Variants in PARN observed in about 807,000 individuals in gnomAD.
PARN encodes poly(A)-specific ribonuclease PARN.
PARN carries 71 observed loss-of-function variants against 102.8 expected under a neutral mutation model. The observed-to-expected ratio is 0.69, with a 90% CI of 0.57 to 0.84. PARN has a LOEUF of 0.84. Among genes scored for constraint, PARN ranks in the 40% least tolerant of loss-of-function variants. PARN has a pLI of 0.00. For synonymous variants in PARN, 261 were observed against 252.9 expected, an observed-to-expected ratio of 1.03 and a Z score of -0.30; for missense variants, 782 against 760.9, an observed-to-expected ratio of 1.03 and a Z score of -0.33.
chr16:14,630,227 C>T lies in PARN; in HGVS notation c.-102G>A. The T allele has an allele frequency of 9.4e-7, 1 of 1,058,722 alleles. No individual in the cohort carries two copies. Among genetic ancestry groups the T allele is most frequent in the Non-Finnish European group, 1.4e-6 (1 of 726,672 alleles). 65.6% of individuals were successfully genotyped at this position (1,058,722 alleles called of 1,614,324 possible). Reference sequence around the variant, plus strand: ...CGACTGCGGCAGTAGCTGAGGCAGCCGCAGCGGTGACGCCGGCCGCGACTT... The same window carrying T: ...CGACTGCGGCAGTAGCTGAGGCAGCTGCAGCGGTGACGCCGGCCGCGACTT... On this transcript the variant is annotated 5_prime_UTR_variant, in exon 1 of 24. Coordinates refer to ENST00000437198, the MANE Select transcript of PARN (RefSeq NM_002582.4).
intron 22 of PARN, among the ~76,000 whole-genome samples, chr16:14,480,703 G>C (rs1291719177): frequency 6.6e-6 from 1 of 152,186 alleles, no homozygotes; most frequent in African/African-American, 2.4e-5. Context: ...CACTTTGGGA[G>C]GCCGAGGCAG....
chr16:14,627,086 A>C lies in PARN; in HGVS notation c.327+20T>G. Reference sequence around the variant, plus strand: ...CTCATCAGCAATTCAGAAAAGAAAAATCTCAATTATGCTACTTACCTGACA... The same window carrying C: ...CTCATCAGCAATTCAGAAAAGAAAACTCTCAATTATGCTACTTACCTGACA... On this transcript the variant is annotated intron_variant, in intron 5 of 23. Coordinates refer to ENST00000437198, the MANE Select transcript of PARN (RefSeq NM_002582.4). 1 of 1,433,880 alleles carries C rather than the reference A, an allele frequency of 7.0e-7. No homozygotes were observed. Among genetic ancestry groups the C allele is most frequent in the Non-Finnish European group, 9.8e-7 (1 of 1,023,698 alleles). The allele number at this position is 1,433,880 out of a possible 1,614,324, so 88.8% of individuals were successfully genotyped here. A position where few individuals can be genotyped will look rare whatever the true frequency, so the allele number is the denominator to read the frequency against.
intron 21 of PARN, among the ~76,000 whole-genome samples, chr16:14,535,723 A>T (rs1475483377): frequency 6.6e-6 from 1 of 152,218 alleles, no homozygotes; most frequent in Non-Finnish European, 1.5e-5. Flanking sequence ...TTTATTAAGA[A>T]TATTGTTATA....
At chr16:14,613,344 C>T (rs951578501) in intron 6 of PARN, among the ~76,000 whole-genome samples, 3 of 149,922 alleles carry the variant, frequency 2.0e-5, no homozygotes, top group Admixed American at 6.6e-5. Context: ...CATGGGAGGC[C>T]GGGCGCCTGG....
chr16:14,547,246 G>A (rs1476965517), intron 21 of PARN, among the ~76,000 whole-genome samples: 2 of 152,124 alleles, frequency 1.3e-5, no homozygotes, highest in Non-Finnish European at 2.9e-5. Context: ...AATGCTAAAT[G>A]CACAGCTTGT....
Position 14,609,088 on chromosome 16 carries a change from T to C in PARN, c.590A>G (p.Asn197Ser), listed in dbSNP as rs768538052. The change falls in exon 8 of 24, where the codon AAC (asparagine) becomes AGC (serine). Residue 197 changes from asparagine (N) to serine (S), a missense_variant. Coordinates refer to ENST00000437198, the MANE Select transcript of PARN (RefSeq NM_002582.4). ...ACATGGCTCTAAATCCAAGTTCTTG[T>C]TTTCTTCACTTTGTAATAAATCCTC... is the stretch of plus-strand genomic sequence containing the variant. ...KIEDLLQSEE[N>S]KNLDLEPCTG... 6.4e-7 allele frequency: 1 copy of C among 1,569,460 alleles called. No individual in the cohort carries two copies. Among genetic ancestry groups the C allele is most frequent in the Non-Finnish European group, 8.7e-7 (1 of 1,146,034 alleles).
intron 10 of PARN, among the ~76,000 whole-genome samples, chr16:14,605,312 CA>C (rs1437660392): frequency 6.6e-6 from 1 of 152,192 alleles, no homozygotes; most frequent in Non-Finnish European, 1.5e-5. Context: ...TGAGCTAATG[CA>C]TTACAAACCA....
intron 21 of PARN, among the ~76,000 whole-genome samples, chr16:14,522,557 C>T (rs1416181037): frequency 6.6e-6 from 1 of 152,068 alleles, no homozygotes; most frequent in Non-Finnish European, 1.5e-5. Flanking sequence ...AATGTAAAGC[C>T]AGGGCTTAAG....
intron 21 of PARN, among the ~76,000 whole-genome samples, chr16:14,517,384 G>A (rs1296871873): frequency 1.3e-5 from 2 of 152,192 alleles, no homozygotes; most frequent in Admixed American, 6.5e-5. Flanking sequence ...ATGGGGAGAG[G>A]CTCCCACTGT....
In PARN at chr16:14,468,646, C is replaced by T. The variant is rs568363840; in HGVS notation, c.1670+13992G>A. Among the ~76,000 whole-genome samples, 16 of 152,316 alleles carry T rather than the reference C, an allele frequency of 1.1e-4. No homozygotes were observed. In the South Asian group the frequency reaches 3.1e-3, roughly 30 times the overall value. Reference sequence around the variant, plus strand: ...ACCTGTGGATCACTGAGAACCACCTCAACTGCCCTACTCTATTGGAAATGT... The same window carrying T: ...ACCTGTGGATCACTGAGAACCACCTTAACTGCCCTACTCTATTGGAAATGT... On this transcript the variant is annotated intron_variant, in intron 22 of 23. Coordinates refer to ENST00000437198, the MANE Select transcript of PARN (RefSeq NM_002582.4).
chr16:14,515,808 C>T (rs868568389), intron 21 of PARN, among the ~76,000 whole-genome samples: 2 of 151,816 alleles, frequency 1.3e-5, no homozygotes, highest in East Asian at 1.9e-4. Context: ...GGCATACTGG[C>T]GCACATCTGT....
At chr16:14,578,979 G>C (rs1016631267) in intron 18 of PARN, among the ~76,000 whole-genome samples, 7 of 151,986 alleles carry the variant, frequency 4.6e-5, no homozygotes, top group Admixed American at 1.3e-4. Context: ...GAAAGTCTCA[G>C]CTAGCTTTTT....
At chr16:14,527,485 T>C (rs895201677) in intron 21 of PARN, among the ~76,000 whole-genome samples, 2 of 152,222 alleles carry the variant, frequency 1.3e-5, no homozygotes, top group African/African-American at 2.4e-5. Context: ...TTTTTTCTTT[T>C]TGACGTCATG....
chr16:14,574,692 A>G (rs571295148), intron 18 of PARN, among the ~76,000 whole-genome samples: 1 of 152,278 alleles, frequency 6.6e-6, no homozygotes, highest in African/African-American at 2.4e-5. Context: ...CAGCCTGGGC[A>G]AGAGAGTGAG....
chr16:14,500,425 T>G (rs1468339806), intron 21 of PARN, among the ~76,000 whole-genome samples: 1 of 152,130 alleles, frequency 6.6e-6, no homozygotes, highest in East Asian at 1.9e-4. Context: ...AGACAGGGTC[T>G]CACTATGTTA....
intron 14 of PARN, among the ~76,000 whole-genome samples, chr16:14,585,153 G>C (rs1401441682): frequency 2.0e-5 from 3 of 152,124 alleles, no homozygotes; most frequent in Non-Finnish European, 2.9e-5. Flanking sequence ...GGTTTTACGT[G>C]GTTCAAATAC....
chr16:14,457,513 C>A (rs1961730120), intron 22 of PARN, among the ~76,000 whole-genome samples: 1 of 151,934 alleles, frequency 6.6e-6, no homozygotes, highest in Non-Finnish European at 1.5e-5. Flanking sequence ...GAATTTGAGT[C>A]TTGGGGCCAG....
intron 5 of PARN, among the ~76,000 whole-genome samples, chr16:14,619,068 T>A (rs1972116733): frequency 6.6e-6 from 1 of 151,638 alleles, no homozygotes; most frequent in South Asian, 2.1e-4. Flanking sequence ...TGGTAGCACA[T>A]GCCTGCAGTC....
In PARN at chr16:14,516,391, C is replaced by T. The variant is rs145063881; in HGVS notation, c.1481-33564G>A. 3.4e-3 allele frequency among the ~76,000 whole-genome samples: 514 copies of T among 152,120 alleles called. 2 individuals carry two copies. The highest frequency in any genetic ancestry group is 6.8e-3 in the Middle Eastern group (2 of 294). ...CAATATTGCATGCTGAAAGGCTATA[C>T]CGCATACATCTGCGAAAACGGATCC... On this transcript the variant is annotated intron_variant, in intron 21 of 23. Coordinates refer to ENST00000437198, the MANE Select transcript of PARN (RefSeq NM_002582.4).
Sources: allele counts gnomAD v4.1 joint callset (sites outside exome capture counted in the v4.1 genomes callset), GRCh38; gene constraint gnomAD v4.1.1; transcripts MANE v1.5; gene names NCBI Gene and HGNC (gene_info 2026-07-23, HGNC 2026-07-21).